DYNC1I1: variants seen among roughly 807,000 people sequenced by gnomAD.
DYNC1I1 encodes dynein cytoplasmic 1 intermediate chain 1, also known as cytoplasmic dynein 1 intermediate chain 1.
DYNC1I1 carries 43 observed loss-of-function variants against 86.6 expected under a neutral mutation model. The ratio of observed to expected loss-of-function variants is 0.50; its 90% CI spans 0.39 to 0.64. The LOEUF (loss-of-function observed/expected upper bound fraction) is 0.64, where lower values mean the gene tolerates loss of function less well. DYNC1I1 is among the 30% of genes least tolerant of loss of function. The pLI is 0.00. For missense variants in DYNC1I1, 604 were observed against 788.8 expected (o/e 0.77, Z 2.81); for synonymous variants, 262 against 283.7 (o/e 0.92, Z 0.77).
At chr7:96,019,325 T>C (rs1264927576) in intron 10 of DYNC1I1, among the ~76,000 whole-genome samples, 1 of 152,104 alleles carries the variant, frequency 6.6e-6, no homozygotes, top group Non-Finnish European at 1.5e-5. Context: ...CCCCAGTCCT[T>C]CTATTCCAGC....
chr7:95,931,207 G>T (rs566469647), intron 6 of DYNC1I1, among the ~76,000 whole-genome samples: 1 of 151,510 alleles, frequency 6.6e-6, no homozygotes, highest in African/African-American at 2.4e-5. Flanking sequence ...GTGCAGTGGC[G>T]CAATCTCGGC....
downstream of DYNC1I1, chr7:96,110,086 C>G: frequency 2.3e-6 from 1 of 441,626 alleles, no homozygotes; most frequent in South Asian, 1.6e-5. Flanking sequence ...CTGTGCCCAG[C>G]TATGCCTGCT....
At chr7:95,775,542 C>CA in intron 1 of DYNC1I1, among the ~76,000 whole-genome samples, 1 of 152,172 alleles carries the variant, frequency 6.6e-6, no homozygotes, top group African/African-American at 2.4e-5. Flanking sequence ...GGTTTGCTCT[C>CA]CAATTTCAGT....
intron 6 of DYNC1I1, among the ~76,000 whole-genome samples, chr7:95,910,114 T>G (rs1791291114): frequency 6.6e-6 from 1 of 152,218 alleles, no homozygotes; most frequent in Admixed American, 6.5e-5. Context: ...GGCTTTGCTC[T>G]TGCTTTGTTT....
intron 10 of DYNC1I1, among the ~76,000 whole-genome samples, chr7:96,021,688 A>G (rs761628907): frequency 6.6e-6 from 1 of 152,140 alleles, no homozygotes; most frequent in Non-Finnish European, 1.5e-5. Flanking sequence ...GCCCAGCCCT[A>G]GGCAACCACG....
chr7:96,071,852 A>G (rs1189991003), intron 14 of DYNC1I1, among the ~76,000 whole-genome samples: 1 of 152,204 alleles, frequency 6.6e-6, no homozygotes, highest in East Asian at 1.9e-4. Context: ...TGAATGGGAG[A>G]GTAAAGAATA....
At chr7:95,796,651 T>C (rs1794444860) in intron 1 of DYNC1I1, among the ~76,000 whole-genome samples, 1 of 152,050 alleles carries the variant, frequency 6.6e-6, no homozygotes, top group South Asian at 2.1e-4. Context: ...CTATTTCTTT[T>C]CCTAAAAAAA....
At chr7:95,902,001 G>A (rs973071483) in intron 6 of DYNC1I1, among the ~76,000 whole-genome samples, 1 of 152,158 alleles carries the variant, frequency 6.6e-6, no homozygotes, top group African/African-American at 2.4e-5. Flanking sequence ...AATGATCCAG[G>A]TTTTCTGAAT....
At chr7:96,010,522 T>C (rs186100729) in intron 10 of DYNC1I1, among the ~76,000 whole-genome samples, 18 of 152,268 alleles carry the variant, frequency 1.2e-4, no homozygotes, top group African/African-American at 3.9e-4. Flanking sequence ...ACCAATAAAG[T>C]CCATTACTAT....
chr7:96,081,067 CA>C (rs1278485393), intron 16 of DYNC1I1, among the ~76,000 whole-genome samples: 9 of 61,574 alleles, frequency 1.5e-4, no homozygotes, highest in East Asian at 4.9e-4. Flanking sequence ...GACTCCATCT[CA>C]AAAAAAAAAG....
chr7:95,834,135 A>G (rs1243680676), intron 5 of DYNC1I1, among the ~76,000 whole-genome samples: 6 of 56,684 alleles, frequency 1.1e-4, no homozygotes, highest in South Asian at 7.3e-4. Context: ...ATTATTTTGA[A>G]ATACGTCCCA....
At chr7:96,091,529 C>T (rs142113983) in intron 16 of DYNC1I1, among the ~76,000 whole-genome samples, 438 of 152,082 alleles carry the variant, frequency 2.9e-3, no homozygotes, top group African/African-American at 1.0e-2. Flanking sequence ...GAAATCAGAG[C>T]GCTTTTCTAA....
At chr7:95,815,527 A>G (rs1356311253) in intron 4 of DYNC1I1, among the ~76,000 whole-genome samples, 1 of 152,168 alleles carries the variant, frequency 6.6e-6, no homozygotes, top group East Asian at 1.9e-4. Flanking sequence ...ACACAAATTT[A>G]TGTTTTTTTC....
chr7:95,989,910 A>G (rs1458429180), intron 9 of DYNC1I1, among the ~76,000 whole-genome samples: 1 of 152,148 alleles, frequency 6.6e-6, no homozygotes, highest in African/African-American at 2.4e-5. Flanking sequence ...GGATAAAGAG[A>G]CTTTTTGATG....
intron 6 of DYNC1I1, among the ~76,000 whole-genome samples, chr7:95,942,851 T>TATTGATGGGACATATCTC: frequency 6.9e-6 from 1 of 145,772 alleles, no homozygotes; most frequent in African/African-American, 2.6e-5. Flanking sequence ...CTCAATAAAT[T>TATTGATGGGACATATCTC]AGGTATTGAT....
intron 10 of DYNC1I1, among the ~76,000 whole-genome samples, chr7:96,023,114 C>T (rs538780329): frequency 6.6e-6 from 1 of 152,220 alleles, no homozygotes; most frequent in South Asian, 2.1e-4. Context: ...GAAATAGCTA[C>T]TAGTTCACTA....
chr7:96,029,551 G>C (rs1794759172), intron 11 of DYNC1I1, among the ~76,000 whole-genome samples: 1 of 152,122 alleles, frequency 6.6e-6, no homozygotes, highest in South Asian at 2.1e-4. Context: ...TTTCTTTTGT[G>C]AGTAACTTAG....
At chr7:96,088,851 A>AT (rs917758697) in intron 16 of DYNC1I1, among the ~76,000 whole-genome samples, 1 of 152,278 alleles carries the variant, frequency 6.6e-6, no homozygotes, top group African/African-American at 2.4e-5. Flanking sequence ...GCTTACATGA[A>AT]TTTTTGAGAA....
At position 95,936,956 on chromosome 7, in the gene DYNC1I1, TCA is replaced by T. The variant is rs57989893; in HGVS notation, c.491-40523_491-40522del. On this transcript the variant is annotated intron_variant, in intron 6 of 16. Coordinates refer to ENST00000447467, the MANE Select transcript of DYNC1I1 (RefSeq NM_001135556.2). ...CAAAGGAATGGATAAAGAATATGTCTCACACACACACACACACACACACACAC... is the reference window on the plus strand; with the variant it reads ...CAAAGGAATGGATAAAGAATATGTCTCACACACACACACACACACACACAC... Among the ~76,000 whole-genome samples, 265 of 134,242 alleles carry T rather than the reference TCA, an allele frequency of 2.0e-3. 4 individuals are homozygous for T. In the South Asian group the frequency reaches 0.036, roughly 18 times the overall value. 88.1% of individuals were successfully genotyped at this position (134,242 alleles called of 152,430 possible).
Sources: gnomAD v4.1 joint callset for allele counts (sites outside exome capture counted in the v4.1 genomes callset) on GRCh38, gnomAD v4.1.1 for gene constraint, MANE v1.5 for transcripts, NCBI Gene and HGNC (gene_info 2026-07-23, HGNC 2026-07-21) for gene names.